PLXNA4: variants seen among roughly 807,000 people sequenced by gnomAD.
PLXNA4 encodes the protein plexin A4, also known as plexin-A4.
Under a neutral mutation model 191.8 loss-of-function variants are expected in PLXNA4, and 44 were observed. The ratio of observed to expected loss-of-function variants is 0.23; its 90% CI spans 0.18 to 0.29. The LOEUF (loss-of-function observed/expected upper bound fraction) is 0.29. PLXNA4 is among the 10% of genes least tolerant of loss of function. The pLI is 1.00. For missense variants in PLXNA4, 1,800 were observed against 2,488.8 expected (o/e 0.72, Z 5.89); for synonymous variants, 1,082 against 1,009.5 (o/e 1.07, Z -1.36).
chr7:132,504,134 G>T (rs548010180), intron 2 of PLXNA4, among the ~76,000 whole-genome samples: 1 of 152,222 alleles, frequency 6.6e-6, no homozygotes, highest in Non-Finnish European at 1.5e-5. Context: ...GAGCACAGCC[G>T]GCCTTCCCTG....
chr7:132,352,154 C>T (rs958317693), intron 3 of PLXNA4, among the ~76,000 whole-genome samples: 1 of 152,228 alleles, frequency 6.6e-6, no homozygotes, highest in Admixed American at 6.5e-5. Context: ...TTCCCCACTT[C>T]CCCTGCTGGC....
chr7:132,359,513 G>A (rs1803850446), intron 3 of PLXNA4, among the ~76,000 whole-genome samples: 1 of 152,104 alleles, frequency 6.6e-6, no homozygotes, highest in African/African-American at 2.4e-5. Flanking sequence ...TACCGTGCCT[G>A]GCTGTCAAGG....
intron 3 of PLXNA4, among the ~76,000 whole-genome samples, chr7:132,362,939 A>T (rs1804007478): frequency 6.6e-6 from 1 of 152,212 alleles, no homozygotes; most frequent in Non-Finnish European, 1.5e-5. Context: ...CATTAAGTAC[A>T]TTCACACTGC....
At chr7:132,404,285 A>G (rs886677572) in intron 3 of PLXNA4, among the ~76,000 whole-genome samples, 1 of 152,198 alleles carries the variant, frequency 6.6e-6, no homozygotes, top group Non-Finnish European at 1.5e-5. Context: ...GTCCCAAGAA[A>G]GCTTTCCAAA....
intron 9 of PLXNA4, among the ~76,000 whole-genome samples, chr7:132,221,713 A>G (rs1798151966): frequency 6.6e-6 from 1 of 151,480 alleles, no homozygotes; most frequent in Non-Finnish European, 1.5e-5. Flanking sequence ...AGATGCAACC[A>G]CTCTCCTCCC....
chr7:132,424,122 G>A (rs570008343), intron 3 of PLXNA4, among the ~76,000 whole-genome samples: 39 of 152,184 alleles, frequency 2.6e-4, no homozygotes, highest in African/African-American at 8.7e-4. Context: ...ATGAGCCCAC[G>A]CCTCCTCCTC....
chr7:132,166,509 T>C (rs1796128684), intron 22 of PLXNA4, among the ~76,000 whole-genome samples: 1 of 151,560 alleles, frequency 6.6e-6, no homozygotes, highest in South Asian at 2.1e-4. Context: ...TCCAGGTATG[T>C]CTGGATAGAG....
At chr7:132,628,303 T>G (rs1803421186) in intron 2 of PLXNA4, among the ~76,000 whole-genome samples, 1 of 152,234 alleles carries the variant, frequency 6.6e-6, no homozygotes, top group Admixed American at 6.5e-5. Context: ...ACCCATGCTC[T>G]GTTGACTCCT....
In PLXNA4 at chr7:132,230,496, C is replaced by T. The variant is rs2116992245; in HGVS notation, c.1605-2027G>A. 2.0e-5 allele frequency among the ~76,000 whole-genome samples: 3 copies of T among 152,278 alleles called. No individual in the cohort carries two copies. The South Asian group carries it at 6.2e-4, about 32-fold the overall frequency. On this transcript the variant is annotated intron_variant, in intron 5 of 31. Coordinates refer to ENST00000321063, the MANE Select transcript of PLXNA4 (RefSeq NM_020911.2). ...TCTCCAGGGTGCTTCTAGAAAACCC[C>T]CTCCCAGGAGTGAAGGATCAGGCAT...
At chr7:132,342,784 T>C (rs1803081130) in intron 3 of PLXNA4, among the ~76,000 whole-genome samples, 1 of 151,878 alleles carries the variant, frequency 6.6e-6, no homozygotes, top group South Asian at 2.1e-4. Context: ...CCATCTCTAC[T>C]AAAACTACAA....
intron 1 of PLXNA4, among the ~76,000 whole-genome samples, chr7:132,549,509 T>G (rs529754287): frequency 9.5e-4 from 144 of 152,308 alleles, no homozygotes; most frequent in Non-Finnish European, 4.0e-4. Flanking sequence ...ACCCTGGTGA[T>G]GCTGACACAT....
chr7:132,415,197 C>A lies in PLXNA4; in HGVS notation c.1371+74095G>T, dbSNP rs12667008. On this transcript the variant is annotated intron_variant, in intron 3 of 31. Transcript: ENST00000321063. ...AGAGGGGAGGTCCGAAGGGAGTTGG[C>A]GGCCTGCAGAGCAACAAGGGCCTGC... Among the ~76,000 whole-genome samples, 6 of 152,324 alleles carry A rather than the reference C, an allele frequency of 3.9e-5. No homozygotes were observed. In the East Asian group the frequency reaches 1.2e-3, roughly 29 times the overall value.
intron 8 of PLXNA4, 69 bp downstream of exon 8, chr7:132,226,092 G>A: frequency 7.1e-7 from 1 of 1,417,610 alleles, no homozygotes; most frequent in East Asian, 2.3e-5. Context: ...GAATAGTGAT[G>A]GGGTTTTCTG....
chr7:132,574,785 A>C (rs916043408), intron 1 of PLXNA4, among the ~76,000 whole-genome samples: 22 of 152,240 alleles, frequency 1.4e-4, no homozygotes, highest in African/African-American at 5.3e-4. Context: ...AAAAGTTTGG[A>C]AATAGCGGAG....
At chr7:132,497,210 A>G (rs1428979121) in intron 2 of PLXNA4, among the ~76,000 whole-genome samples, 1 of 152,158 alleles carries the variant, frequency 6.6e-6, no homozygotes, top group African/African-American at 2.4e-5. Flanking sequence ...TGAATTACAC[A>G]TGTGGGATTT....
chr7:132,609,247 C>T (rs964018206), intron 2 of PLXNA4, among the ~76,000 whole-genome samples: 4 of 152,142 alleles, frequency 2.6e-5, no homozygotes, highest in East Asian at 3.9e-4. Flanking sequence ...CAGAGCAGTG[C>T]CTGACATTGA....
chr7:132,192,533 G>C (rs898694164), intron 14 of PLXNA4, among the ~76,000 whole-genome samples: 6 of 150,488 alleles, frequency 4.0e-5, no homozygotes, highest in Non-Finnish European at 7.4e-5. Context: ...AGGAGAGAGA[G>C]ATGGAGGCGA....
chr7:132,512,662 G>T (rs913806163), intron 1 of PLXNA4, among the ~76,000 whole-genome samples: 4 of 152,140 alleles, frequency 2.6e-5, no homozygotes, highest in Non-Finnish European at 4.4e-5. Context: ...CACCACAGAG[G>T]TGACACCCCG....
At chr7:132,548,992 T>A (rs938890948) in intron 1 of PLXNA4, among the ~76,000 whole-genome samples, 9 of 152,144 alleles carry the variant, frequency 5.9e-5, no homozygotes, top group African/African-American at 1.9e-4. Flanking sequence ...CATGGCAACA[T>A]CCACAAGTTT....
Sources: allele counts gnomAD v4.1 joint callset (sites outside exome capture counted in the v4.1 genomes callset), GRCh38; gene constraint gnomAD v4.1.1; transcripts MANE v1.5; gene names NCBI Gene and HGNC (gene_info 2026-07-23, HGNC 2026-07-21).